Variants in DOCK3 observed in about 807,000 individuals in gnomAD.
The protein encoded by DOCK3 is dedicator of cytokinesis 3.
DOCK3 carries 60 observed loss-of-function variants against 265.6 expected under a neutral mutation model. That is an observed-to-expected ratio of 0.23 (90% CI 0.18 to 0.28). DOCK3 has a LOEUF of 0.28. DOCK3 is among the 10% of genes least tolerant of loss of function. The probability of loss-of-function intolerance (pLI) is 1.00; values close to 1 mark genes in which losing one functional copy is unlikely to be tolerated. For synonymous variants in DOCK3, 881 were observed against 938.0 expected (o/e 0.94, Z 1.11); for missense variants, 1,981 against 2,594.3 (o/e 0.76, Z 5.14).
chr3:50,697,015 C>T (rs961568647), intron 1 of DOCK3, among the ~76,000 whole-genome samples: 4 of 151,596 alleles, frequency 2.6e-5, no homozygotes, highest in African/African-American at 9.7e-5. Flanking sequence ...ACTGTAACCT[C>T]CACCTCCTGG....
intron 9 of DOCK3, among the ~76,000 whole-genome samples, chr3:51,126,930 G>A (rs556350736): frequency 9.9e-5 from 15 of 152,002 alleles, no homozygotes; most frequent in East Asian, 5.8e-4. Context: ...CAGTAGGCCC[G>A]TGTCTGTTGT....
At chr3:50,683,971 A>G (rs2034602663) in intron 1 of DOCK3, among the ~76,000 whole-genome samples, 1 of 151,354 alleles carries the variant, frequency 6.6e-6, no homozygotes, top group Non-Finnish European at 1.5e-5. Flanking sequence ...GTCTCTCTCC[A>G]CATTTTCTAT....
At chr3:51,154,845 T>C (rs1449555521) in intron 10 of DOCK3, among the ~76,000 whole-genome samples, 1 of 152,234 alleles carries the variant, frequency 6.6e-6, no homozygotes, top group Non-Finnish European at 1.5e-5. Context: ...GCCAAAGCTA[T>C]AGCTCCAACT....
intron 5 of DOCK3, among the ~76,000 whole-genome samples, chr3:51,031,758 G>C (rs566672199): frequency 4.9e-4 from 74 of 152,256 alleles, no homozygotes; most frequent in Middle Eastern, 6.8e-3. Flanking sequence ...CCTCCTTTTA[G>C]GAGGTAACTA....
intron 18 of DOCK3, 146 bp downstream of exon 18, chr3:51,228,978 C>T (rs1576469680): frequency 1.9e-6 from 2 of 1,066,878 alleles, no homozygotes; most frequent in East Asian, 5.2e-5. Flanking sequence ...GAAGCGATCA[C>T]TCAGCAATAG....
chr3:51,155,524 A>C (rs1169568436), intron 10 of DOCK3, among the ~76,000 whole-genome samples: 2 of 152,204 alleles, frequency 1.3e-5, no homozygotes, highest in Non-Finnish European at 2.9e-5. Flanking sequence ...ATGTAGCCAC[A>C]ACTATGGTTG....
intron 23 of DOCK3, among the ~76,000 whole-genome samples, chr3:51,261,512 G>A (rs921120908): frequency 6.6e-6 from 1 of 152,168 alleles, no homozygotes; most frequent in Non-Finnish European, 1.5e-5. Context: ...TGAGCTAGCT[G>A]CAGGAGTTTT....
At chr3:51,229,635 T>C in intron 19 of DOCK3, 26 bp downstream of exon 19, 1 of 1,542,522 alleles carries the variant, frequency 6.5e-7, no homozygotes, top group Non-Finnish European at 8.8e-7. Context: ...AATTTAAACA[T>C]ACTGCATGAG....
intron 10 of DOCK3, among the ~76,000 whole-genome samples, chr3:51,152,803 T>A (rs933359901): frequency 2.6e-5 from 4 of 152,206 alleles, no homozygotes; most frequent in African/African-American, 9.6e-5. Flanking sequence ...CCAGACCCTG[T>A]TTGCCTGAGT....
At position 51,361,885 on chromosome 3, in the gene DOCK3, G is replaced by A. The variant is rs753968530; in HGVS notation, c.5033G>A (p.Arg1678His). 2.3e-5 allele frequency: 37 copies of A among 1,613,110 alleles called. No individual in the cohort carries two copies. The highest frequency in any genetic ancestry group is 5.5e-5 in the South Asian group (5 of 90,806). ...HSPMNLMGTG[R>H]HSSSSLSSHA... The stretch of plus-strand genomic sequence containing the variant: ...CCCATGAACTTGATGGGCACAGGCC[G>A]CCATTCATCATCCTCTCTCTCCTCA... Residue 1678 changes from arginine (R) to histidine (H), a missense_variant, in exon 48 of 53, where the codon CGC becomes CAC. By Grantham distance (29) the Arg-to-His change is conservative. Transcript: ENST00000266037. This position sits in a 1 kb window ranked among gnomAD's most constrained non-coding sequence, Gnocchi z 4.2.
chr3:51,318,932 ATTAG>A (rs2083518669), intron 32 of DOCK3, among the ~76,000 whole-genome samples: 1 of 152,102 alleles, frequency 6.6e-6, no homozygotes, highest in African/African-American at 2.4e-5. Flanking sequence ...AAATTTACTT[ATTAG>A]TTCTGGAAGC....
intron 37 of DOCK3, 67 bp from the exon 38 acceptor site, chr3:51,341,170 C>T: frequency 6.7e-7 from 1 of 1,497,486 alleles, no homozygotes; most frequent in Non-Finnish European, 8.9e-7. Context: ...AGTCCTCTGA[C>T]ACCAGGCTGC....
At chr3:51,122,938 A>G (rs1413077130) in intron 9 of DOCK3, among the ~76,000 whole-genome samples, 1 of 152,220 alleles carries the variant, frequency 6.6e-6, no homozygotes, top group Non-Finnish European at 1.5e-5. Context: ...CCTGCTTCAG[A>G]GGATACATAG....
intron 5 of DOCK3, among the ~76,000 whole-genome samples, chr3:50,990,930 AC>A (rs1254811254): frequency 6.6e-6 from 1 of 152,204 alleles, no homozygotes; most frequent in African/African-American, 2.4e-5. Flanking sequence ...ACCCTCACAG[AC>A]ACACCTAGGA....
chr3:51,215,776 G>T (rs904589405), intron 14 of DOCK3, among the ~76,000 whole-genome samples: 2 of 152,156 alleles, frequency 1.3e-5, no homozygotes, highest in African/African-American at 4.8e-5. Flanking sequence ...ATACACACAG[G>T]AGAGTCTTTT....
chr3:51,307,896 T>G (rs1267311091), intron 27 of DOCK3, among the ~76,000 whole-genome samples: 3 of 150,696 alleles, frequency 2.0e-5, no homozygotes, highest in African/African-American at 7.3e-5. Context: ...TTTTTGTTTT[T>G]TTTTTCTCTC....
intron 39 of DOCK3, among the ~76,000 whole-genome samples, chr3:51,349,475 G>T (rs2085825756): frequency 6.6e-6 from 1 of 152,182 alleles, no homozygotes; most frequent in South Asian, 2.1e-4. Flanking sequence ...GAGGCTAGCA[G>T]TCTCAACTCA....
chr3:51,247,650 C>T (rs2078902211), intron 22 of DOCK3, among the ~76,000 whole-genome samples: 1 of 152,210 alleles, frequency 6.6e-6, no homozygotes, highest in African/African-American at 2.4e-5. Flanking sequence ...TGCATTTAGT[C>T]TTCCTCTTCT....
chr3:51,086,680 C>A (rs769111857), intron 7 of DOCK3, among the ~76,000 whole-genome samples: 10 of 152,164 alleles, frequency 6.6e-5, no homozygotes, highest in Non-Finnish European at 1.3e-4. Context: ...TATCTGTAAT[C>A]CCAGCTACTC....
Sources: allele counts gnomAD v4.1 joint callset (sites outside exome capture counted in the v4.1 genomes callset), GRCh38; gene constraint gnomAD v4.1.1; non-coding constraint Gnocchi (gnomAD v3.1); transcripts MANE v1.5; gene names NCBI Gene and HGNC (gene_info 2026-07-23, HGNC 2026-07-21).